CAP2: variants seen among roughly 807,000 people sequenced by gnomAD.
CAP2 encodes the protein cyclase associated actin cytoskeleton regulatory protein 2.
CAP2 carries 24 observed loss-of-function variants against 57.7 expected under a neutral mutation model. That is an observed-to-expected ratio of 0.42 (90% CI 0.30 to 0.58). The LOEUF is 0.58. CAP2 is among the 20% of genes least tolerant of loss of function. The pLI, the probability that CAP2 is intolerant of heterozygous loss-of-function variation, is 0.22. For synonymous variants in CAP2, 194 were observed against 207.2 expected (o/e 0.94, Z 0.55); for missense variants, 501 against 590.3 (o/e 0.85, Z 1.57).
At chr6:17,503,239 T>G (rs1761875210) in intron 4 of CAP2, among the ~76,000 whole-genome samples, 1 of 152,088 alleles carries the variant, frequency 6.6e-6, no homozygotes, top group Non-Finnish European at 1.5e-5. Flanking sequence ...AAGTCCAGGA[T>G]CAAGGTGACG....
At chr6:17,524,075 A>G (rs796586656) in intron 7 of CAP2, among the ~76,000 whole-genome samples, 436 of 20,960 alleles carry the variant, frequency 0.021, 6 homozygotes, top group Admixed American at 0.027. Flanking sequence ...ACTCTGTCTC[A>G]AAAAAAAAAA....
rs144353455 is a variant in CAP2, at chr6:17,504,413, C to A, written c.301-2756C>A. On this transcript the variant is annotated intron_variant, in intron 4 of 12. Coordinates refer to ENST00000229922, the MANE Select transcript of CAP2 (RefSeq NM_006366.3). ...GAACCCAAGAAGTCTCATTCTAGAA[C>A]CTTTGCTCTTAATCTCTTCTAACAC... 1.2e-3 allele frequency among the ~76,000 whole-genome samples: 189 copies of A among 152,304 alleles called. 3 individuals carry two copies. The East Asian group carries it at 0.033, about 26-fold the overall frequency.
intron 4 of CAP2, among the ~76,000 whole-genome samples, chr6:17,485,515 C>T (rs1581559727): frequency 6.6e-6 from 1 of 152,186 alleles, no homozygotes; most frequent in Non-Finnish European, 1.5e-5. Context: ...CTCACCCCAA[C>T]CCTTTCCTGC....
chr6:17,399,215 AC>A (rs1758747736), intron 1 of CAP2, among the ~76,000 whole-genome samples: 1 of 152,022 alleles, frequency 6.6e-6, no homozygotes. Context: ...GGCGCTTGCC[AC>A]CCCACCCAGC....
At chr6:17,488,385 A>G (rs1761471721) in intron 4 of CAP2, among the ~76,000 whole-genome samples, 1 of 152,214 alleles carries the variant, frequency 6.6e-6, no homozygotes, top group African/African-American at 2.4e-5. Flanking sequence ...TGCAACCCAC[A>G]GTCAGACCAG....
At chr6:17,416,748 G>T (rs999849361) in intron 1 of CAP2, among the ~76,000 whole-genome samples, 14 of 152,210 alleles carry the variant, frequency 9.2e-5, no homozygotes, top group Admixed American at 6.5e-5. Context: ...CAGAATGGAA[G>T]AGGGTAGAAC....
chr6:17,397,147 C>T (rs1244381409), intron 1 of CAP2, among the ~76,000 whole-genome samples: 1 of 152,104 alleles, frequency 6.6e-6, no homozygotes, highest in African/African-American at 2.4e-5. Context: ...ACAACCTCCG[C>T]CTCTCAGGTT....
At chr6:17,469,882 T>G (rs1012726278) in intron 4 of CAP2, among the ~76,000 whole-genome samples, 1 of 152,184 alleles carries the variant, frequency 6.6e-6, no homozygotes, top group African/African-American at 2.4e-5. Context: ...GGAGCAGTCA[T>G]CAAATTTGTT....
In CAP2 at chr6:17,507,276, C is replaced by A. The variant is rs1006903604; in HGVS notation, c.408C>A (p.Val136=). 9.9e-6 allele frequency: 16 copies of A among 1,614,196 alleles called. No individual in the cohort carries two copies. The highest frequency in any genetic ancestry group is 3.3e-4 in the Middle Eastern group (2 of 6,062). Residue 136 remains valine, a synonymous_variant, in exon 5 of 13, where the codon GTC becomes GTA. Coordinates refer to ENST00000229922, the MANE Select transcript of CAP2 (RefSeq NM_006366.3). ...ACATGTTTAATCATCTTTCGGCCGT[C>A]AGCGAAAGCATCCCTGCCCTTGGAT... The part of the protein sequence containing the change: ...GSNMFNHLSA[V]SESIPALGWI...
chr6:17,469,770 G>A (rs1380194140), intron 4 of CAP2, among the ~76,000 whole-genome samples: 1 of 152,160 alleles, frequency 6.6e-6, no homozygotes, highest in Non-Finnish European at 1.5e-5. Context: ...GGAGAAGGAA[G>A]GTTAGTGAAC....
intron 8 of CAP2, among the ~76,000 whole-genome samples, chr6:17,540,464 A>T (rs907641608): frequency 1.3e-5 from 2 of 151,218 alleles, no homozygotes; most frequent in Non-Finnish European, 2.9e-5. Context: ...AAAAAAAAAA[A>T]TACTTGGCTG....
At chr6:17,490,181 GA>G (rs1184021579) in intron 4 of CAP2, among the ~76,000 whole-genome samples, 4 of 152,184 alleles carry the variant, frequency 2.6e-5, no homozygotes, top group African/African-American at 9.6e-5. Context: ...GAGGGAAGAT[GA>G]CACTTTATTT....
At chr6:17,503,788 T>TG (rs149356739) in intron 4 of CAP2, among the ~76,000 whole-genome samples, 1,861 of 152,170 alleles carry the variant, frequency 0.012, 43 homozygotes, top group African/African-American at 0.043. Flanking sequence ...TGAATTTGGT[T>TG]GGGGGGCAGG....
chr6:17,486,521 A>G (rs1479073109), intron 4 of CAP2, among the ~76,000 whole-genome samples: 1 of 152,180 alleles, frequency 6.6e-6, no homozygotes, highest in Admixed American at 6.5e-5. Flanking sequence ...TGGGAGGATC[A>G]CTGGAGCCCA....
intron 3 of CAP2, among the ~76,000 whole-genome samples, chr6:17,435,681 T>TAAAAAAAAAAAA (rs71002211): frequency 7.4e-5 from 5 of 67,418 alleles, no homozygotes; most frequent in Non-Finnish European, 1.0e-4. Flanking sequence ...TAGAGTATAA[T>TAAAAAAAAAAAA]AAAAAAAAAA....
chr6:17,477,730 T>C (rs1581552949), intron 4 of CAP2, among the ~76,000 whole-genome samples: 1 of 152,274 alleles, frequency 6.6e-6, no homozygotes, highest in East Asian at 1.9e-4. Context: ...GAAAAAACTA[T>C]TGTTCCCATG....
chr6:17,425,688 A>G (rs1310171922), intron 2 of CAP2, among the ~76,000 whole-genome samples: 1 of 152,130 alleles, frequency 6.6e-6, no homozygotes, highest in African/African-American at 2.4e-5. Flanking sequence ...TGATGGTGCT[A>G]CCTACCTCCC....
chr6:17,448,914 A>G (rs1760333647), intron 3 of CAP2, among the ~76,000 whole-genome samples: 1 of 152,012 alleles, frequency 6.6e-6, no homozygotes, highest in Non-Finnish European at 1.5e-5. Context: ...GACACCCACC[A>G]CCACGCCAGG....
chr6:17,402,612 A>G (rs185661256), intron 1 of CAP2, among the ~76,000 whole-genome samples: 2 of 152,356 alleles, frequency 1.3e-5, no homozygotes, highest in Admixed American at 1.3e-4. Context: ...AGAGAGCCAG[A>G]AAGGTTTTGC....
Sources: allele counts gnomAD v4.1 joint callset (sites outside exome capture counted in the v4.1 genomes callset), GRCh38; gene constraint gnomAD v4.1.1; transcripts MANE v1.5; gene names NCBI Gene and HGNC (gene_info 2026-07-23, HGNC 2026-07-21).